Variants in LDLRAP1 observed in about 807,000 individuals in gnomAD.
LDLRAP1 encodes the protein low density lipoprotein receptor adapter protein 1.
Under a neutral mutation model 37.8 loss-of-function variants are expected in LDLRAP1, and 30 were observed. The observed-to-expected ratio is 0.79, with a 90% CI of 0.59 to 1.08. The LOEUF is 1.08. LDLRAP1 is among the 50% of genes least tolerant of loss of function. The probability of loss-of-function intolerance (pLI) is 0.00; values close to 1 mark genes in which losing one functional copy is unlikely to be tolerated. For missense variants in LDLRAP1, 375 were observed against 401.6 expected, an observed-to-expected ratio of 0.93 and a Z score of 0.57; for synonymous variants, 156 against 169.8, an observed-to-expected ratio of 0.92 and a Z score of 0.63.
At chr1:25,556,285 C>T (rs769216407) in intron 3 of LDLRAP1, among the ~76,000 whole-genome samples, 29 of 152,044 alleles carry the variant, frequency 1.9e-4, no homozygotes, top group Non-Finnish European at 3.5e-4. Context: ...CTGGAGGCAA[C>T]GAGGAGGGAC....
At position 25,544,105 on chromosome 1, in the gene LDLRAP1, GC is replaced by G. The variant is rs1181589493; in HGVS notation, c.88+322del. 2.6e-5 allele frequency among the ~76,000 whole-genome samples: 4 copies of G among 152,114 alleles called. No individual in the cohort carries two copies. Among genetic ancestry groups the G allele is most frequent in the Admixed American group, 2.6e-4 (4 of 15,292 alleles). ...GCCCCCGCCACCCGCGGCACCTCCC[GC>G]CCTGCTGTCCTGGCCAGCTAGGGGG... is the stretch of plus-strand genomic sequence containing the variant. On this transcript the variant is annotated intron_variant, in intron 1 of 8. Transcript: ENST00000374338. This position sits in a 1 kb window ranked among gnomAD's most constrained non-coding sequence, Gnocchi z 4.8.
In LDLRAP1 at chr1:25,562,575, C is replaced by T. The variant is rs1054818368; in HGVS notation, c.460-69C>T. On this transcript the variant is annotated intron_variant, in intron 4 of 8. Coordinates refer to ENST00000374338, the MANE Select transcript of LDLRAP1 (RefSeq NM_015627.3). ...GGGGGCCTGGCCTGGAGGCCCCAGC[C>T]CTCCAGTGCAGACTTGCTCTGCCCT... The T allele has an allele frequency of 5.2e-6, 7 of 1,354,426 alleles. No homozygotes were observed. In the African/African-American group the frequency reaches 1.0e-4, roughly 19 times the overall value. 83.9% of individuals were successfully genotyped at this position (1,354,426 alleles called of 1,614,324 possible).
chr1:25,552,173 C>G (rs1318377204), intron 1 of LDLRAP1, among the ~76,000 whole-genome samples: 1 of 152,142 alleles, frequency 6.6e-6, no homozygotes, highest in Non-Finnish European at 1.5e-5. Flanking sequence ...GGGATCCAGA[C>G]TGGGTAGGGG....
chr1:25,559,097 G>C (rs928149863), intron 4 of LDLRAP1, among the ~76,000 whole-genome samples: 3 of 152,264 alleles, frequency 2.0e-5, no homozygotes, highest in Middle Eastern at 3.4e-3. Context: ...CACTTGCCTC[G>C]TGAGGTCCCA....
chr1:25,585,568 G>A, the LDLRAP1 span, among the ~76,000 whole-genome samples: 2 of 152,136 alleles, frequency 1.3e-5, no homozygotes, highest in African/African-American at 4.8e-5. Context: ...CTTGTGATCC[G>A]CCCGCCTCGG....
the LDLRAP1 span, among the ~76,000 whole-genome samples, chr1:25,573,899 C>T: frequency 1.3e-5 from 2 of 152,204 alleles, no homozygotes; most frequent in African/African-American, 4.8e-5. Context: ...TGGAACATGG[C>T]AGCAAACAAA....
At chr1:25,570,992 G>A (rs1369460732), downstream of LDLRAP1, among the ~76,000 whole-genome samples, 1 of 152,232 alleles carries the variant, frequency 6.6e-6, no homozygotes, top group Non-Finnish European at 1.5e-5. Flanking sequence ...TGAGGCAGCT[G>A]AGGGTGAAGG....
At chr1:25,548,818 G>A (rs528607310) in intron 1 of LDLRAP1, among the ~76,000 whole-genome samples, 1 of 152,092 alleles carries the variant, frequency 6.6e-6, no homozygotes, top group Admixed American at 6.5e-5. Flanking sequence ...ACACTGCCAC[G>A]CCCAGCTAAT....
chr1:25,566,770 C>T (rs1025601006), intron 8 of LDLRAP1, 78 bp from the exon 9 acceptor site: 77 of 1,540,028 alleles, frequency 5.0e-5, no homozygotes, highest in Non-Finnish European at 6.2e-5. Flanking sequence ...CTGTTCCCCA[C>T]TGGTGCCCCC....
the LDLRAP1 span, among the ~76,000 whole-genome samples, chr1:25,577,460 G>C: frequency 2.0e-5 from 3 of 152,158 alleles, no homozygotes; most frequent in Non-Finnish European, 2.9e-5. Flanking sequence ...GGAACTCGAG[G>C]TTCATGCAGG....
Position 25,547,397 on chromosome 1 carries a change from C to T in LDLRAP1, c.88+3611C>T, listed in dbSNP as rs143436649. Among the ~76,000 whole-genome samples the T allele has an allele frequency of 7.2e-4, 109 of 152,014 alleles. 3 individuals carry two copies. The East Asian group carries it at 0.019, about 26-fold the overall frequency. Reference sequence around the variant, plus strand: ...ACTTGGGAGGCTGAGGCAGGAGAATCGCTTGAACTTGGGAGGCAGAGGTTG... The same window carrying T: ...ACTTGGGAGGCTGAGGCAGGAGAATTGCTTGAACTTGGGAGGCAGAGGTTG... On this transcript the variant is annotated intron_variant, in intron 1 of 8. Coordinates refer to ENST00000374338, the MANE Select transcript of LDLRAP1 (RefSeq NM_015627.3).
the LDLRAP1 span, among the ~76,000 whole-genome samples, chr1:25,583,232 C>T: frequency 6.8e-6 from 1 of 147,556 alleles, no homozygotes; most frequent in Non-Finnish European, 1.5e-5. Context: ...CTCTGTTGCC[C>T]AGGCTGGAGT....
intron 1 of LDLRAP1, among the ~76,000 whole-genome samples, chr1:25,547,754 T>A (rs1572022238): frequency 6.6e-6 from 1 of 151,598 alleles, no homozygotes; most frequent in Non-Finnish European, 1.5e-5. Context: ...ATGGAAATGG[T>A]GTGCAGGGAG....
the LDLRAP1 span, among the ~76,000 whole-genome samples, chr1:25,577,416 G>A: frequency 9.2e-5 from 14 of 152,106 alleles, no homozygotes; most frequent in African/African-American, 3.4e-4. Flanking sequence ...AGGTGGCCCT[G>A]TGGGCAGGTC....
In LDLRAP1 at chr1:25,546,173, C is replaced by T. The variant is rs550254284; in HGVS notation, c.88+2387C>T. Among the ~76,000 whole-genome samples the T allele has an allele frequency of 2.6e-5, 4 of 152,298 alleles. No homozygotes were observed. In the South Asian group the frequency reaches 8.3e-4, roughly 32 times the overall value. ...TATGTGGGGGTGGGGGTGCTAGGGT[C>T]ACCTTGCTCAGGGTTGTGACCCAGC... is the stretch of plus-strand genomic sequence containing the variant. On this transcript the variant is annotated intron_variant, in intron 1 of 8. Transcript: ENST00000374338.
Position 25,568,314 on chromosome 1 carries a change from C to T in LDLRAP1, c.*1322C>T, listed in dbSNP as rs1232684603. On this transcript the variant is annotated 3_prime_UTR_variant, in exon 9 of 9. Coordinates refer to ENST00000374338, the MANE Select transcript of LDLRAP1 (RefSeq NM_015627.3). ...AATCATGCTGTTCTCTTTGCTGACA[C>T]TGTGACCCTGGGTCGGGACAGACCA... 2 of 152,510 alleles carry T rather than the reference C, an allele frequency of 1.3e-5. No individual in the cohort carries two copies. Among genetic ancestry groups the T allele is most frequent in the Non-Finnish European group, 2.9e-5 (2 of 68,048 alleles). 9.4% of individuals were successfully genotyped at this position (152,510 alleles called of 1,614,324 possible). A position where few individuals can be genotyped will look rare whatever the true frequency, so the allele number is the denominator to read the frequency against.
rs1230445323 is a variant in LDLRAP1 at position 25,568,040 on chromosome 1, T to G, written c.*1048T>G. On this transcript the variant is annotated 3_prime_UTR_variant, in exon 9 of 9. Coordinates refer to ENST00000374338, the MANE Select transcript of LDLRAP1 (RefSeq NM_015627.3). Reference sequence around the variant, plus strand: ...CCCAGGTCTGATGCCAAAGCTGCTTTCTTCTCTGCCTCCTCCTCACGCAAC... The same window carrying G: ...CCCAGGTCTGATGCCAAAGCTGCTTGCTTCTCTGCCTCCTCCTCACGCAAC... 1 of 152,670 alleles carries G rather than the reference T, an allele frequency of 6.6e-6. No homozygotes were observed. Among genetic ancestry groups the G allele is most frequent in the East Asian group, 1.9e-4 (1 of 5,196 alleles). 9.5% of individuals were successfully genotyped at this position (152,670 alleles called of 1,614,324 possible).
chr1:25,546,197 G>A (rs1046016796), intron 1 of LDLRAP1, among the ~76,000 whole-genome samples: 26 of 152,206 alleles, frequency 1.7e-4, no homozygotes, highest in African/African-American at 6.3e-4. Flanking sequence ...TTGTGACCCA[G>A]CCTGGCCTTG....
At chr1:25,575,965 A>C in the LDLRAP1 span, among the ~76,000 whole-genome samples, 1 of 152,154 alleles carries the variant, frequency 6.6e-6, no homozygotes, top group Admixed American at 6.5e-5. Flanking sequence ...GTGGTGGCTC[A>C]CGCCTGTAAT....
Sources: gnomAD v4.1 joint callset for allele counts (sites outside exome capture counted in the v4.1 genomes callset) on GRCh38, gnomAD v4.1.1 for gene constraint, Gnocchi (gnomAD v3.1) non-coding constraint, MANE v1.5 for transcripts, NCBI Gene and HGNC (gene_info 2026-07-23, HGNC 2026-07-21) for gene names.